PDZRN3: variants seen among roughly 807,000 people sequenced by gnomAD.
The protein encoded by PDZRN3 is PDZ domain containing ring finger 3.
In PDZRN3, 38 loss-of-function variants were observed where a neutral mutation model predicts 85.7. The observed-to-expected ratio is 0.44, with a 90% CI of 0.34 to 0.58. The LOEUF is 0.58. PDZRN3 is among the 20% of genes least tolerant of loss of function. The pLI is 0.01. For missense variants in PDZRN3, 1,629 were observed against 1,506.4 expected (o/e 1.08, Z -1.35); for synonymous variants, 759 against 638.0 (o/e 1.19, Z -2.86).
At chr3:73,606,447 C>T (rs1311738318) in intron 2 of PDZRN3, among the ~76,000 whole-genome samples, 2 of 152,138 alleles carry the variant, frequency 1.3e-5, no homozygotes, top group African/African-American at 4.8e-5. Context: ...TCCCTCAGTC[C>T]CTCCGAAGGC....
At position 73,534,090 on chromosome 3, in the gene PDZRN3, G is replaced by A. The variant is rs1376538375; in HGVS notation, c.918+68264C>T. Among the ~76,000 whole-genome samples the A allele has an allele frequency of 2.6e-5, 4 of 152,216 alleles. No homozygotes were observed. The East Asian group carries it at 5.8e-4, about 22-fold the overall frequency. Reference sequence around the variant, plus strand: ...TGGACCTTTGATTCTTCTGCTTACCGTTGAGTCCCCAACATTTAATAATAG... The same window carrying A: ...TGGACCTTTGATTCTTCTGCTTACCATTGAGTCCCCAACATTTAATAATAG... On this transcript the variant is annotated intron_variant, in intron 3 of 9. Transcript: ENST00000263666.
chr3:73,571,491 T>C (rs562658116), intron 3 of PDZRN3, among the ~76,000 whole-genome samples: 3 of 152,306 alleles, frequency 2.0e-5, no homozygotes, highest in South Asian at 2.1e-4. Flanking sequence ...ATGCCTTCAG[T>C]GAGGGGCAGT....
chr3:73,565,869 T>A (rs560180959), intron 3 of PDZRN3, among the ~76,000 whole-genome samples: 2 of 151,650 alleles, frequency 1.3e-5, no homozygotes, highest in Non-Finnish European at 2.9e-5. Flanking sequence ...AAATTCCCTA[T>A]TCTCATAAAA....
intron 3 of PDZRN3, among the ~76,000 whole-genome samples, chr3:73,505,272 C>T (rs1704049592): frequency 6.6e-6 from 1 of 152,158 alleles, no homozygotes; most frequent in Non-Finnish European, 1.5e-5. Flanking sequence ...TCTGATTGAG[C>T]CCTTTGAGAA....
intron 3 of PDZRN3, among the ~76,000 whole-genome samples, chr3:73,534,361 G>A (rs1185448693): frequency 2.0e-5 from 3 of 152,216 alleles, no homozygotes; most frequent in Non-Finnish European, 4.4e-5. Context: ...TCCATGTTCA[G>A]TCAAGATTCC....
At chr3:73,476,058 G>A (rs539897814) in intron 3 of PDZRN3, among the ~76,000 whole-genome samples, 7 of 152,160 alleles carry the variant, frequency 4.6e-5, no homozygotes, top group Non-Finnish European at 8.8e-5. Flanking sequence ...TAGAAACACA[G>A]ACCACTGTGG....
At chr3:73,436,467 C>G (rs1245841341) in intron 3 of PDZRN3, among the ~76,000 whole-genome samples, 3 of 152,212 alleles carry the variant, frequency 2.0e-5, no homozygotes, top group African/African-American at 7.2e-5. Context: ...GGCTTGCAAT[C>G]ACGGTTGGCT....
At chr3:73,449,719 C>T (rs1245061769) in intron 3 of PDZRN3, among the ~76,000 whole-genome samples, 2 of 152,186 alleles carry the variant, frequency 1.3e-5, no homozygotes, top group Non-Finnish European at 2.9e-5. Context: ...AGGCTAGAAT[C>T]CATCATTCAG....
rs144791620 is a variant in PDZRN3, at chr3:73,549,540, C to T, written c.918+52814G>A. Among the ~76,000 whole-genome samples the T allele has an allele frequency of 4.3e-3, 662 of 152,268 alleles. 6 individuals are homozygous for T. Among genetic ancestry groups the T allele is most frequent in the Non-Finnish European group, 7.8e-3 (533 of 68,024 alleles). On this transcript the variant is annotated intron_variant, in intron 3 of 9. Transcript: ENST00000263666. ...GGACGATGATGCAGCAAGTACACTC[C>T]TGGTAATCGGCAAAGGTGGCATCCT...
At chr3:73,608,843 C>T (rs1702642684) in intron 1 of PDZRN3, among the ~76,000 whole-genome samples, 159 bp from the exon 2 acceptor site, 2 of 152,188 alleles carry the variant, frequency 1.3e-5, no homozygotes, top group Admixed American at 6.5e-5. Context: ...GGAACCCAAT[C>T]TGAAATTCTG....
At chr3:73,458,511 G>C (rs1317527966) in intron 3 of PDZRN3, among the ~76,000 whole-genome samples, 1 of 148,854 alleles carries the variant, frequency 6.7e-6, no homozygotes, top group Non-Finnish European at 1.5e-5. Context: ...ATGCTTATTT[G>C]AAGTTTTCAT....
At chr3:73,553,816 G>A (rs577662722) in intron 3 of PDZRN3, among the ~76,000 whole-genome samples, 2 of 152,288 alleles carry the variant, frequency 1.3e-5, no homozygotes, top group Non-Finnish European at 2.9e-5. Flanking sequence ...CAAAGTAGTG[G>A]CGGCATCTGG....
intron 3 of PDZRN3, among the ~76,000 whole-genome samples, chr3:73,576,492 TTTTC>T (rs1702125251): frequency 6.6e-6 from 1 of 152,098 alleles, no homozygotes; most frequent in Non-Finnish European, 1.5e-5. Context: ...TACATGTACT[TTTTC>T]TTTCTGTATA....
intron 3 of PDZRN3, among the ~76,000 whole-genome samples, chr3:73,425,078 G>A (rs1447862217): frequency 6.7e-6 from 1 of 149,034 alleles, no homozygotes; most frequent in Non-Finnish European, 1.5e-5. Context: ...GCAGTGGTAT[G>A]ATCTCGGCTC....
rs142006141 is a variant in PDZRN3 at position 73,429,741 on chromosome 3, T to C, written c.919-25346A>G. 2.0e-4 allele frequency among the ~76,000 whole-genome samples: 30 copies of C among 152,352 alleles called. No individual in the cohort carries two copies. The East Asian group carries it at 3.3e-3, about 17-fold the overall frequency. ...CCATAAGAGGCACAAATTAATCTTATGTGATGTTTCCTGTTATTACTGAGA... is the reference window on the plus strand; with the variant it reads ...CCATAAGAGGCACAAATTAATCTTACGTGATGTTTCCTGTTATTACTGAGA... On this transcript the variant is annotated intron_variant, in intron 3 of 9. Coordinates refer to ENST00000263666, the MANE Select transcript of PDZRN3 (RefSeq NM_015009.3).
chr3:73,384,505 C>A lies in PDZRN3; in HGVS notation c.2061G>T (p.Leu687=), dbSNP rs978755881. The change falls in exon 10 of 10, where the codon CTG becomes CTT. Residue 687 remains leucine, a synonymous_variant. Coordinates refer to ENST00000263666, the MANE Select transcript of PDZRN3 (RefSeq NM_015009.3). ...CGATGCTGCGCAGCTCTTCGTTCAGCAGCTCCAGCTCCTTGTCCACGCTCT... is the reference window on the plus strand; with the variant it reads ...CGATGCTGCGCAGCTCTTCGTTCAGAAGCTCCAGCTCCTTGTCCACGCTCT... ...DPESVDKELE[L]LNEELRSIEL... 9.9e-6 allele frequency: 16 copies of A among 1,613,698 alleles called. No individual in the cohort carries two copies. The highest frequency in any genetic ancestry group is 1.4e-5 in the Non-Finnish European group (16 of 1,180,042).
intron 2 of PDZRN3, among the ~76,000 whole-genome samples, chr3:73,603,886 TACACACAC>T (rs370554640): frequency 3.4e-5 from 5 of 145,048 alleles, no homozygotes; most frequent in Non-Finnish European, 7.5e-5. Flanking sequence ...CACACACACA[TACACACAC>T]ACACACACAC....
intron 3 of PDZRN3, among the ~76,000 whole-genome samples, chr3:73,506,869 C>T (rs1241997579): frequency 6.7e-6 from 1 of 149,328 alleles, no homozygotes; most frequent in Non-Finnish European, 1.5e-5. Context: ...TGCCACTGTA[C>T]TCCAGCAGCC....
chr3:73,401,168 C>T (rs1159724051), intron 4 of PDZRN3, 159 bp from the exon 5 acceptor site: 7 of 589,214 alleles, frequency 1.2e-5, no homozygotes, highest in East Asian at 5.7e-5. Context: ...CGGTCAGGAC[C>T]TCCATCATCC....
Sources: gnomAD v4.1 joint callset for allele counts (sites outside exome capture counted in the v4.1 genomes callset) on GRCh38, gnomAD v4.1.1 for gene constraint, MANE v1.5 for transcripts, NCBI Gene and HGNC (gene_info 2026-07-23, HGNC 2026-07-21) for gene names.